The following SMAD6 variants were observed in gnomAD, a reference collection of about 807,000 sequenced individuals.
SMAD6 encodes the protein MAD homolog 6.
In SMAD6, 103 loss-of-function variants were observed where a neutral mutation model predicts 39.4. The ratio of observed to expected loss-of-function variants is 2.62; its 90% CI spans 2.23 to 3.08. The LOEUF (loss-of-function observed/expected upper bound fraction) is 3.08. SMAD6 is among the 30% of genes most tolerant of loss of function. The pLI is 0.00. For synonymous variants in SMAD6, 445 were observed against 353.3 expected (o/e 1.26, Z -2.91); for missense variants, 1,104 against 742.9 (o/e 1.49, Z -5.65).
At chr15:66,774,722 C>T (rs1894435951) in intron 3 of SMAD6, among the ~76,000 whole-genome samples, 1 of 152,168 alleles carries the variant, frequency 6.6e-6, no homozygotes, top group Non-Finnish European at 1.5e-5. Flanking sequence ...AGCACAGATG[C>T]CCAAGTTCCC....
At chr15:66,769,113 G>A (rs959561835) in intron 3 of SMAD6, among the ~76,000 whole-genome samples, 2 of 152,130 alleles carry the variant, frequency 1.3e-5, no homozygotes, top group Non-Finnish European at 2.9e-5. Context: ...ATCGAGTGCC[G>A]GGTACTGTTG....
chr15:66,734,962 T>C (rs1309002756), intron 3 of SMAD6, among the ~76,000 whole-genome samples: 1 of 152,250 alleles, frequency 6.6e-6, no homozygotes, highest in African/African-American at 2.4e-5. Flanking sequence ...GTGTGGACCC[T>C]CATGGCTGTG....
chr15:66,781,602 G>C lies in SMAD6; in HGVS notation c.*67G>C. The C allele has an allele frequency of 2.4e-6, 3 of 1,250,884 alleles. No homozygotes were observed. The highest frequency in any genetic ancestry group is 3.2e-6 in the Non-Finnish European group (3 of 933,668). The allele number at this position is 1,250,884 out of a possible 1,614,324, so 77.5% of individuals were successfully genotyped here. On this transcript the variant is annotated 3_prime_UTR_variant, in exon 4 of 4. Transcript: ENST00000288840. Reference sequence around the variant, plus strand: ...CCGCCACCTGCCGGCCTCGAGAGGGGCCGATGCCCAGAGACACAGCCCCCA... The same window carrying C: ...CCGCCACCTGCCGGCCTCGAGAGGGCCCGATGCCCAGAGACACAGCCCCCA...
rs751440011 is a variant in SMAD6, at chr15:66,781,334, G to GC, written c.1296dup (p.Gly433ArgfsTer132). The GC allele has an allele frequency of 1.2e-5, 19 of 1,598,764 alleles. No homozygotes were observed. Among genetic ancestry groups the GC allele is most frequent in the Admixed American group, 1.7e-5 (1 of 59,732 alleles). On this transcript the variant is annotated frameshift_variant, in exon 4 of 4. Transcript: ENST00000288840. LOFTEE classifies it high-confidence loss of function. ...GCCGCGCCCTGGTCGTGCGCAAGGT[G>GC]CCCCCCGGCTACTCCATCAAGGTGT...
intron 3 of SMAD6, among the ~76,000 whole-genome samples, chr15:66,722,040 C>T (rs2469116): frequency 0.2 from 30,797 of 152,076 alleles, 3,407 homozygotes; most frequent in African/African-American, 0.3. Context: ...AAAGGAGTTT[C>T]GAGGGACTGG....
chr15:66,781,242 G>A lies in SMAD6; in HGVS notation c.1198G>A (p.Val400Met), dbSNP rs762357095. ...GILLSKEPDG[V>M]WAYNRGEHPI... Reference sequence around the variant, plus strand: ...CCTGCTCAGCAAGGAGCCCGACGGCGTGTGGGCCTACAACCGCGGCGAGCA... The same window carrying A: ...CCTGCTCAGCAAGGAGCCCGACGGCATGTGGGCCTACAACCGCGGCGAGCA... The change falls in exon 4 of 4, where the codon GTG (valine) becomes ATG (methionine). Residue 400 changes from valine to methionine, a missense_variant. Val to Met is a conservative substitution (Grantham distance 21, BLOSUM62 1). Transcript: ENST00000288840. The A allele has an allele frequency of 1.9e-6, 3 of 1,608,678 alleles. No individual in the cohort carries two copies. The highest frequency in any genetic ancestry group is 1.6e-4 in the Middle Eastern group (1 of 6,062).
chr15:66,766,131 G>T (rs373870434), intron 3 of SMAD6, among the ~76,000 whole-genome samples: 1 of 152,192 alleles, frequency 6.6e-6, no homozygotes, highest in Non-Finnish European at 1.5e-5. Flanking sequence ...TCCTTAGTGG[G>T]CATGTGCTCT....
intron 3 of SMAD6, among the ~76,000 whole-genome samples, chr15:66,755,323 G>A (rs34926058): frequency 0.24 from 35,985 of 152,144 alleles, 4,319 homozygotes; most frequent in Middle Eastern, 0.3. Flanking sequence ...AGCCAGCGTG[G>A]TAGGCTGGCT....
intron 3 of SMAD6, among the ~76,000 whole-genome samples, chr15:66,762,556 G>T (rs1019795919): frequency 2.6e-5 from 4 of 152,126 alleles, no homozygotes; most frequent in Admixed American, 2.0e-4. Context: ...GGGCACTTTG[G>T]GGGAGGCAGA....
chr15:66,704,749 A>G (rs17264185), intron 1 of SMAD6: 36,376 of 152,122 alleles, frequency 0.24, 4,399 homozygotes, highest in Middle Eastern at 0.34. Flanking sequence ...CAGCTTTTGT[A>G]TAGAGTTTAG....
At chr15:66,766,224 C>T (rs1171895651) in intron 3 of SMAD6, among the ~76,000 whole-genome samples, 1 of 149,660 alleles carries the variant, frequency 6.7e-6, no homozygotes, top group African/African-American at 2.5e-5. Flanking sequence ...AGGGGGCAGG[C>T]GCCAGCCTCG....
At chr15:66,736,635 C>T (rs1261127450) in intron 3 of SMAD6, among the ~76,000 whole-genome samples, 1 of 152,004 alleles carries the variant, frequency 6.6e-6, no homozygotes, top group African/African-American at 2.4e-5. Flanking sequence ...CATCAGAGTC[C>T]CTGTTAGACA....
intron 1 of SMAD6, among the ~76,000 whole-genome samples, chr15:66,711,272 G>A (rs769205300): frequency 1.3e-5 from 2 of 152,176 alleles, no homozygotes; most frequent in Non-Finnish European, 1.5e-5. Flanking sequence ...CGTTTCTCTT[G>A]TTAAAGTAGT....
chr15:66,744,203 A>G (rs569789338), intron 3 of SMAD6, among the ~76,000 whole-genome samples: 2 of 152,168 alleles, frequency 1.3e-5, no homozygotes, highest in Non-Finnish European at 2.9e-5. Context: ...GAGCCCAGAA[A>G]GAGTCGAAAA....
At chr15:66,767,417 G>A (rs766998249) in intron 3 of SMAD6, among the ~76,000 whole-genome samples, 2 of 152,182 alleles carry the variant, frequency 1.3e-5, no homozygotes, top group South Asian at 4.1e-4. Flanking sequence ...AGCCTGGTGG[G>A]ATGGATATAC....
At chr15:66,736,082 G>A (rs1221891815) in intron 3 of SMAD6, among the ~76,000 whole-genome samples, 1 of 152,148 alleles carries the variant, frequency 6.6e-6, no homozygotes, top group Non-Finnish European at 1.5e-5. Flanking sequence ...CACCCACGGA[G>A]TGCTGGCCGT....
At chr15:66,704,250 C>T in intron 1 of SMAD6, 175 bp downstream of exon 1, 1 of 416,040 alleles carries the variant, frequency 2.4e-6, no homozygotes. Flanking sequence ...GTGGGTGTCC[C>T]AGCACACACA....
intron 3 of SMAD6, among the ~76,000 whole-genome samples, chr15:66,741,349 C>T (rs1045729741): frequency 3.9e-5 from 6 of 151,918 alleles, no homozygotes; most frequent in Non-Finnish European, 8.8e-5. Flanking sequence ...AAATCCATCA[C>T]GTTTGAGGTG....
intron 2 of SMAD6, 33 bp downstream of exon 2, chr15:66,711,757 G>C: frequency 7.6e-6 from 12 of 1,574,694 alleles, no homozygotes; most frequent in Non-Finnish European, 1.0e-5. Flanking sequence ...CCTTGCAGAG[G>C]TGTGTCCCGA....
Sources: gnomAD v4.1 joint callset for allele counts (sites outside exome capture counted in the v4.1 genomes callset) on GRCh38, gnomAD v4.1.1 for gene constraint, MANE v1.5 for transcripts, NCBI Gene and HGNC (gene_info 2026-07-23, HGNC 2026-07-21) for gene names.